The following HOMER1 variants were observed in gnomAD, a reference collection of about 807,000 sequenced individuals.
HOMER1 encodes the protein homer scaffold protein 1.
HOMER1 carries 3 observed loss-of-function variants against 48.9 expected under a neutral mutation model. The observed-to-expected ratio is 0.06, with a 90% CI of 0.03 to 0.16. The LOEUF is 0.16. Ranked by LOEUF, HOMER1 falls within the 10% of genes least tolerant of loss-of-function variation. The pLI, the probability that HOMER1 is intolerant of heterozygous loss-of-function variation, is 1.00. For synonymous variants in HOMER1, 134 were observed against 146.4 expected (o/e 0.92, Z 0.61); for missense variants, 247 against 411.4 (o/e 0.60, Z 3.46).
chr5:79,422,791 A>C (rs1043896918), intron 5 of HOMER1, among the ~76,000 whole-genome samples: 3 of 151,514 alleles, frequency 2.0e-5, no homozygotes, highest in Non-Finnish European at 4.4e-5. Context: ...TTTTATACTA[A>C]TATTGCTGAA....
chr5:79,471,551 G>GAAAAA (rs55724615), intron 1 of HOMER1, among the ~76,000 whole-genome samples: 10 of 97,678 alleles, frequency 1.0e-4, no homozygotes, highest in South Asian at 3.7e-4. Flanking sequence ...CCATCTCAAA[G>GAAAAA]AAAAAAAAAA....
In HOMER1 at chr5:79,451,556, C is replaced by CTTTTTTT. The variant is rs71615542; in HGVS notation, c.163-442_163-436dup. Among the ~76,000 whole-genome samples, 5 of 64,630 alleles carry CTTTTTTT rather than the reference C, an allele frequency of 7.7e-5. 1 individual carries two copies. Among genetic ancestry groups the CTTTTTTT allele is most frequent in the African/African-American group, 3.7e-4 (4 of 10,828 alleles). 42.4% of individuals were successfully genotyped at this position (64,630 alleles called of 152,430 possible). A position where few individuals can be genotyped will look rare whatever the true frequency, so the allele number is the denominator to read the frequency against. On this transcript the variant is annotated intron_variant, in intron 2 of 8. Coordinates refer to ENST00000334082, the MANE Select transcript of HOMER1 (RefSeq NM_004272.5). ...GAAAATATGCATAGAAAATATGACACTTTTTTTTTTTTTTTTTTTTTTTTT... is the reference window on the plus strand; with the variant it reads ...GAAAATATGCATAGAAAATATGACACTTTTTTTTTTTTTTTTTTTTTTTTTTTTTTTT...
chr5:79,421,697 C>T (rs1445974671), intron 5 of HOMER1, among the ~76,000 whole-genome samples: 5 of 151,712 alleles, frequency 3.3e-5, no homozygotes, highest in Admixed American at 6.6e-5. Context: ...CCTCCATCTC[C>T]GGGTTCAAGT....
At chr5:79,440,136 TA>T (rs907435331) in intron 4 of HOMER1, among the ~76,000 whole-genome samples, 85 of 151,892 alleles carry the variant, frequency 5.6e-4, no homozygotes, top group African/African-American at 2.0e-3. Context: ...TTTGTCAACT[TA>T]AAAAAAATAC....
intron 1 of HOMER1, among the ~76,000 whole-genome samples, chr5:79,470,743 G>A (rs1174307603): frequency 6.6e-6 from 1 of 152,096 alleles, no homozygotes; most frequent in East Asian, 1.9e-4. Flanking sequence ...AGCAGCTGGT[G>A]GGAGTATAAA....
At chr5:79,382,702 C>T (rs779321988) in intron 8 of HOMER1, among the ~76,000 whole-genome samples, 20 of 152,202 alleles carry the variant, frequency 1.3e-4, no homozygotes, top group Middle Eastern at 3.4e-3. Context: ...CATTTTCCAT[C>T]CTGAGAGCAC....
chr5:79,434,084 A>C (rs1207459267), intron 5 of HOMER1, among the ~76,000 whole-genome samples: 3 of 152,160 alleles, frequency 2.0e-5, no homozygotes, highest in Non-Finnish European at 2.9e-5. Flanking sequence ...CAAGGTAATC[A>C]AACTGTTATT....
intron 1 of HOMER1, among the ~76,000 whole-genome samples, chr5:79,478,188 C>G (rs746290681): frequency 2.0e-5 from 3 of 152,146 alleles, no homozygotes; most frequent in African/African-American, 4.8e-5. Flanking sequence ...TTTCAATATG[C>G]CTTTGCTGTA....
intron 1 of HOMER1, among the ~76,000 whole-genome samples, chr5:79,487,781 T>C (rs1465207093): frequency 6.6e-6 from 1 of 152,246 alleles, no homozygotes; most frequent in African/African-American, 2.4e-5. Flanking sequence ...TAAGGAATTA[T>C]TAAGTGATTT....
chr5:79,385,034 T>C (rs541730573), intron 8 of HOMER1, among the ~76,000 whole-genome samples: 43 of 152,192 alleles, frequency 2.8e-4, no homozygotes, highest in African/African-American at 1.0e-3. Context: ...ACTAACATCA[T>C]AGTGAATGAG....
At chr5:79,491,774 G>A (rs1481432651) in intron 1 of HOMER1, among the ~76,000 whole-genome samples, 1 of 152,168 alleles carries the variant, frequency 6.6e-6, no homozygotes, top group African/African-American at 2.4e-5. Flanking sequence ...ATGAGTTATT[G>A]AGAAGCTACT....
intron 8 of HOMER1, among the ~76,000 whole-genome samples, chr5:79,377,546 G>A (rs946172745): frequency 8.0e-5 from 12 of 149,350 alleles, no homozygotes; most frequent in African/African-American, 2.5e-4. Flanking sequence ...ATGGGACAAC[G>A]AAAATATCTT....
intron 5 of HOMER1, among the ~76,000 whole-genome samples, chr5:79,423,142 C>T (rs991844957): frequency 6.6e-6 from 1 of 152,140 alleles, no homozygotes; most frequent in African/African-American, 2.4e-5. Context: ...ATGCTTACAT[C>T]TTGCTTTCCC....
intron 2 of HOMER1, among the ~76,000 whole-genome samples, chr5:79,452,427 G>T (rs759950801): frequency 6.6e-6 from 1 of 152,056 alleles, no homozygotes; most frequent in Non-Finnish European, 1.5e-5. Context: ...TTAGTCTAAC[G>T]CACTCCAAAT....
At chr5:79,392,546 A>C (rs996241773) in intron 8 of HOMER1, among the ~76,000 whole-genome samples, 1 of 152,234 alleles carries the variant, frequency 6.6e-6, no homozygotes, top group Admixed American at 6.5e-5. Flanking sequence ...TATTACAAAA[A>C]AGTAAAAAGT....
intron 4 of HOMER1, among the ~76,000 whole-genome samples, chr5:79,446,804 A>ATTT (rs35036295): frequency 1.9e-3 from 194 of 101,692 alleles, no homozygotes; most frequent in African/African-American, 7.5e-3. Flanking sequence ...CACTTGGCTA[A>ATTT]TTTTTTTTTT....
At chr5:79,455,106 A>T (rs1180417435) in intron 2 of HOMER1, among the ~76,000 whole-genome samples, 1 of 146,152 alleles carries the variant, frequency 6.8e-6, no homozygotes, top group Non-Finnish European at 1.5e-5. Flanking sequence ...CACCTAGCTA[A>T]TTTTTTTTTT....
At position 79,502,745 on chromosome 5, in the gene HOMER1, T is replaced by C. The variant is rs141787455; in HGVS notation, c.5+10025A>G. On this transcript the variant is annotated intron_variant, in intron 1 of 8. Transcript: ENST00000334082. The stretch of plus-strand genomic sequence containing the variant: ...AATATACAGTTAACCCTTGAACAAT[T>C]TGTGAGTTAAGGGCATTGACCCATG... Among the ~76,000 whole-genome samples the C allele has an allele frequency of 8.6e-3, 1,305 of 152,282 alleles. 10 individuals are homozygous for C. The highest frequency in any genetic ancestry group is 0.029 in the African/African-American group (1,218 of 41,554).
At position 79,476,585 on chromosome 5, in the gene HOMER1, T is replaced by C. The variant is rs536952014; in HGVS notation, c.6-19567A>G. ...TCGATTAATTTGCTGGAATAGCTCA[T>C]AGAACTCAGGAAAACACTTAAGTTT... is the stretch of plus-strand genomic sequence containing the variant. On this transcript the variant is annotated intron_variant, in intron 1 of 8. Transcript: ENST00000334082. 1.5e-3 allele frequency among the ~76,000 whole-genome samples: 231 copies of C among 152,262 alleles called. 1 individual carries two copies. The highest frequency in any genetic ancestry group is 2.4e-3 in the Non-Finnish European group (166 of 68,012).
Sources: allele counts gnomAD v4.1 joint callset (sites outside exome capture counted in the v4.1 genomes callset), GRCh38; gene constraint gnomAD v4.1.1; transcripts MANE v1.5; gene names NCBI Gene and HGNC (gene_info 2026-07-23, HGNC 2026-07-21).